Variants in KHDC1 observed in about 807,000 individuals in gnomAD.
KHDC1 encodes KH homology domain-containing protein 1.
Under a neutral mutation model 24.7 loss-of-function variants are expected in KHDC1, and 21 were observed. That is an observed-to-expected ratio of 0.85 (90% confidence interval 0.60 to 1.23). The LOEUF is 1.23. Among genes scored for constraint, KHDC1 ranks in the 50% most tolerant of loss-of-function variants. The pLI is 0.00. For synonymous variants in KHDC1, 98 were observed against 111.7 expected, an observed-to-expected ratio of 0.88 and a Z score of 0.77; for missense variants, 274 against 298.5, an observed-to-expected ratio of 0.92 and a Z score of 0.61.
intron 2 of KHDC1, among the ~76,000 whole-genome samples, chr6:73,281,283 G>A (rs1767402190): frequency 6.6e-6 from 1 of 151,770 alleles, no homozygotes; most frequent in South Asian, 2.1e-4. Context: ...AGGTTGCAGT[G>A]AGCCAAGCTC....
chr6:73,299,230 GAT>G (rs1245874141), intron 1 of KHDC1: 1 of 152,330 alleles, frequency 6.6e-6, no homozygotes, highest in Non-Finnish European at 1.5e-5. Context: ...TCGCTCGGGA[GAT>G]AGTTGGTGCT....
At chr6:73,278,673 A>C (rs989289722) in intron 2 of KHDC1, among the ~76,000 whole-genome samples, 1 of 152,178 alleles carries the variant, frequency 6.6e-6, no homozygotes, top group Non-Finnish European at 1.5e-5. Flanking sequence ...TTATTTTATT[A>C]CAGTATATTG....
intron 1 of KHDC1, among the ~76,000 whole-genome samples, chr6:73,302,321 C>A (rs1767891951): frequency 6.6e-6 from 1 of 152,066 alleles, no homozygotes; most frequent in Non-Finnish European, 1.5e-5. Context: ...AAAAGAAAAT[C>A]TGGAATGAAT....
chr6:73,290,520 T>TC, intron 2 of KHDC1: 1 of 408,622 alleles, frequency 2.4e-6, no homozygotes. Context: ...TAATCTTTTT[T>TC]TTTTCTAACA....
intron 2 of KHDC1, chr6:73,274,086 C>G (rs528108646): frequency 6.6e-6 from 1 of 152,188 alleles, no homozygotes; most frequent in Non-Finnish European, 1.5e-5. Flanking sequence ...GCCTGGGTGA[C>G]AGAGTGAGAC....
At chr6:73,280,308 CCA>C (rs1366293318) in intron 2 of KHDC1, among the ~76,000 whole-genome samples, 1 of 152,036 alleles carries the variant, frequency 6.6e-6, no homozygotes, top group African/African-American at 2.4e-5. Context: ...CAGGCATGCA[CCA>C]CCATGCTCGG....
chr6:73,263,606 C>A (rs1018390643), intron 2 of KHDC1, among the ~76,000 whole-genome samples: 1 of 36,362 alleles, frequency 2.8e-5, no homozygotes, highest in Non-Finnish European at 8.1e-5. Flanking sequence ...GGAGGGGTGT[C>A]GCGGTGGGGG....
chr6:73,261,268 C>G (rs934223359), intron 2 of KHDC1, among the ~76,000 whole-genome samples: 2 of 151,830 alleles, frequency 1.3e-5, no homozygotes, highest in Non-Finnish European at 2.9e-5. Context: ...CATGGTGAAA[C>G]CCCGTCTTTA....
At chr6:73,265,936 G>C (rs751347142) in intron 2 of KHDC1, among the ~76,000 whole-genome samples, 8 of 151,792 alleles carry the variant, frequency 5.3e-5, no homozygotes, top group East Asian at 1.9e-4. Context: ...CTTTTTTTTG[G>C]GGGGAGACGA....
intron 1 of KHDC1, among the ~76,000 whole-genome samples, chr6:73,307,083 T>C (rs952840618): frequency 2.0e-5 from 3 of 152,080 alleles, no homozygotes; most frequent in Admixed American, 6.6e-5. Context: ...TTTTTCCTTT[T>C]ACCCTGGAAA....
At chr6:73,249,225 G>A (rs1216882650) in intron 2 of KHDC1, among the ~76,000 whole-genome samples, 3 of 152,036 alleles carry the variant, frequency 2.0e-5, no homozygotes, top group African/African-American at 7.3e-5. Context: ...AGTTCAAGGT[G>A]TGCTATGATC....
intron 2 of KHDC1, among the ~76,000 whole-genome samples, chr6:73,289,512 A>C (rs986022023): frequency 6.6e-6 from 1 of 151,710 alleles, no homozygotes; most frequent in African/African-American, 2.4e-5. Context: ...TAGCCAGGCC[A>C]TGGTGGCTCA....
intron 2 of KHDC1, among the ~76,000 whole-genome samples, chr6:73,289,789 C>A (rs1417843517): frequency 6.6e-6 from 1 of 151,846 alleles, no homozygotes; most frequent in Non-Finnish European, 1.5e-5. Context: ...GAAACCCCAT[C>A]TCTACTAAAA....
chr6:73,257,523 C>T (rs1289469633), intron 2 of KHDC1, among the ~76,000 whole-genome samples: 1 of 151,990 alleles, frequency 6.6e-6, no homozygotes, highest in Non-Finnish European at 1.5e-5. Context: ...CTCAGCCTCC[C>T]GAGTAGCTGG....
chr6:73,279,656 T>A (rs73462516), intron 2 of KHDC1, among the ~76,000 whole-genome samples: 1 of 145,502 alleles, frequency 6.9e-6, no homozygotes, highest in African/African-American at 2.6e-5. Flanking sequence ...CATGGCTCAC[T>A]GCAGCCTTGA....
At chr6:73,286,353 G>C (rs1198179701) in intron 2 of KHDC1, among the ~76,000 whole-genome samples, 1 of 152,076 alleles carries the variant, frequency 6.6e-6, no homozygotes, top group East Asian at 1.9e-4. Flanking sequence ...CTGCTCTTGA[G>C]GACTTCTTTT....
At chr6:73,251,725 T>C (rs1349297138) in intron 2 of KHDC1, among the ~76,000 whole-genome samples, 1 of 152,126 alleles carries the variant, frequency 6.6e-6, no homozygotes, top group Non-Finnish European at 1.5e-5. Flanking sequence ...AAGTACACAG[T>C]TTGATGACAA....
chr6:73,263,636 C>T (rs771816811), intron 2 of KHDC1, among the ~76,000 whole-genome samples: 8 of 151,910 alleles, frequency 5.3e-5, no homozygotes, highest in Non-Finnish European at 1.0e-4. Context: ...CCCAGGCCCA[C>T]CCTCTGCAGG....
chr6:73,249,725 G>A (rs1766744813), intron 2 of KHDC1, among the ~76,000 whole-genome samples: 1 of 152,112 alleles, frequency 6.6e-6, no homozygotes, highest in Non-Finnish European at 1.5e-5. Flanking sequence ...TCTGATGGTA[G>A]AGGGGTTTTT....
Sources: gnomAD v4.1 joint callset for allele counts (sites outside exome capture counted in the v4.1 genomes callset) on GRCh38, gnomAD v4.1.1 for gene constraint, MANE v1.5 for transcripts, NCBI Gene and HGNC (gene_info 2026-07-23, HGNC 2026-07-21) for gene names.